SRGAP3: variants seen among roughly 807,000 people sequenced by gnomAD.
SRGAP3 encodes the protein SLIT-ROBO Rho GTPase-activating protein 3.
SRGAP3 carries 39 observed loss-of-function variants against 121.1 expected under a neutral mutation model. The ratio of observed to expected loss-of-function variants is 0.32; its 90% CI spans 0.25 to 0.42. The LOEUF (loss-of-function observed/expected upper bound fraction) is 0.42. Ranked by LOEUF, SRGAP3 falls within the 10% of genes least tolerant of loss-of-function variation. The probability of loss-of-function intolerance (pLI) is 1.00; values close to 1 mark genes in which losing one functional copy is unlikely to be tolerated. For synonymous variants in SRGAP3, 601 were observed against 570.0 expected, an observed-to-expected ratio of 1.05 and a Z score of -0.77; for missense variants, 1,213 against 1,470.6, an observed-to-expected ratio of 0.82 and a Z score of 2.86.
At chr3:9,273,041 GACA>G (rs1954509208) in intron 3 of SRGAP3, among the ~76,000 whole-genome samples, 1 of 152,178 alleles carries the variant, frequency 6.6e-6, no homozygotes, top group Admixed American at 6.5e-5. Flanking sequence ...TTTCACGGAA[GACA>G]ACTTTTCCAA....
intron 1 of SRGAP3, chr3:9,235,989 T>C (rs373416105): frequency 2.5e-5 from 4 of 158,304 alleles, no homozygotes; most frequent in East Asian, 3.2e-4. Flanking sequence ...ATCCATACCA[T>C]CTTCAAGGTC....
chr3:9,049,975 G>A (rs1945488377), intron 9 of SRGAP3, among the ~76,000 whole-genome samples: 1 of 151,896 alleles, frequency 6.6e-6, no homozygotes, highest in Non-Finnish European at 1.5e-5. Flanking sequence ...AAGTAGCTGG[G>A]ACTACAGCCA....
intron 3 of SRGAP3, among the ~76,000 whole-genome samples, chr3:9,257,679 T>C (rs908424958): frequency 4.9e-5 from 7 of 141,466 alleles, no homozygotes; most frequent in African/African-American, 1.0e-4. Context: ...ATTTACTCAC[T>C]CATTAAACAA....
intron 1 of SRGAP3, among the ~76,000 whole-genome samples, chr3:9,206,747 C>A (rs893627300): frequency 6.6e-6 from 1 of 152,168 alleles, no homozygotes; most frequent in Non-Finnish European, 1.5e-5. Flanking sequence ...GTCCCCTCTC[C>A]CTAAAACAGG....
At chr3:8,986,135 T>C (rs943888575) in intron 21 of SRGAP3, among the ~76,000 whole-genome samples, 4 of 152,076 alleles carry the variant, frequency 2.6e-5, no homozygotes, top group African/African-American at 9.7e-5. Flanking sequence ...AGGAAATAGA[T>C]TTCATAAGGG....
chr3:9,065,984 A>G (rs1382163508), intron 4 of SRGAP3, among the ~76,000 whole-genome samples: 2 of 152,154 alleles, frequency 1.3e-5, no homozygotes, highest in Non-Finnish European at 2.9e-5. Context: ...TCATAAATAG[A>G]GACGGGGTTT....
chr3:9,350,598 C>T (rs1021038693), intron 1 of SRGAP3, among the ~76,000 whole-genome samples: 5 of 152,192 alleles, frequency 3.3e-5, no homozygotes, highest in Non-Finnish European at 7.3e-5. Context: ...TATGCTTCCA[C>T]ATTATTTCAA....
At chr3:9,010,125 C>T (rs543296785) in intron 18 of SRGAP3, among the ~76,000 whole-genome samples, 183 bp downstream of exon 18, 10 of 152,330 alleles carry the variant, frequency 6.6e-5, no homozygotes, top group African/African-American at 2.4e-4. Context: ...CTGTGTCAGG[C>T]CCATGCCAGG....
At chr3:9,289,835 T>C (rs1954842658) in intron 3 of SRGAP3, among the ~76,000 whole-genome samples, 1 of 152,162 alleles carries the variant, frequency 6.6e-6, no homozygotes, top group Admixed American at 6.5e-5. Context: ...AGGCTGGGAA[T>C]GGTGGCTCAT....
intron 14 of SRGAP3, among the ~76,000 whole-genome samples, chr3:9,016,881 C>T (rs1163362841): frequency 6.6e-6 from 1 of 152,144 alleles, no homozygotes; most frequent in Non-Finnish European, 1.5e-5. Context: ...TTTATACGAA[C>T]TTGTTTTTGT....
chr3:8,994,372 G>C lies in SRGAP3; in HGVS notation c.2379C>G (p.Ile793Met), dbSNP rs956342718. Reference sequence around the variant, plus strand: ...CCTGTACAACTATGTACTGATGGGGGATGAGTCCATCCACGCCGTTGTGCC... The same window carrying C: ...CCTGTACAACTATGTACTGATGGGGCATGAGTCCATCCACGCCGTTGTGCC... ...EGRHNGVDGL[I>M]PHQYIVVQDM... The change falls in exon 19 of 22, where the codon ATC becomes ATG. Residue 793 changes from isoleucine (I) to methionine (M), a missense_variant. Physicochemically the swap from Ile to Met is conservative, Grantham distance 10. Coordinates refer to ENST00000383836, the MANE Select transcript of SRGAP3 (RefSeq NM_014850.4). 1.2e-6 allele frequency: 2 copies of C among 1,614,188 alleles called. No individual in the cohort carries two copies. The highest frequency in any genetic ancestry group is 1.7e-6 in the Non-Finnish European group (2 of 1,180,038).
At chr3:9,334,631 A>G (rs865951918) in intron 1 of SRGAP3, among the ~76,000 whole-genome samples, 7 of 152,134 alleles carry the variant, frequency 4.6e-5, no homozygotes, top group Non-Finnish European at 7.4e-5. Flanking sequence ...CAAAGACAAG[A>G]TGGAGGGTCC....
intron 4 of SRGAP3, among the ~76,000 whole-genome samples, chr3:9,074,002 T>G (rs1482007933): frequency 6.6e-6 from 1 of 152,238 alleles, no homozygotes; most frequent in African/African-American, 2.4e-5. Context: ...GTTTAATTAC[T>G]GTCTTATTTT....
intron 1 of SRGAP3, among the ~76,000 whole-genome samples, chr3:9,208,152 G>A (rs1186912598): frequency 2.0e-5 from 3 of 152,026 alleles, no homozygotes; most frequent in Non-Finnish European, 2.9e-5. Context: ...AGGAAGCAGT[G>A]AATGAGCAAG....
At chr3:9,156,160 G>A (rs150553151) in intron 1 of SRGAP3, among the ~76,000 whole-genome samples, 96 of 152,322 alleles carry the variant, frequency 6.3e-4, no homozygotes, top group African/African-American at 2.2e-3. Context: ...CAGTATACAG[G>A]CTTTGAAGTC....
At chr3:9,112,884 C>T (rs1432853794) in intron 2 of SRGAP3, among the ~76,000 whole-genome samples, 1 of 152,220 alleles carries the variant, frequency 6.6e-6, no homozygotes, top group Non-Finnish European at 1.5e-5. Flanking sequence ...AACCTGGGCA[C>T]ACAGGCACTC....
intron 6 of SRGAP3, chr3:9,058,710 C>T: frequency 2.2e-6 from 1 of 448,156 alleles, no homozygotes; most frequent in South Asian, 2.6e-5. Flanking sequence ...ATCTTTCTCT[C>T]TCTCTTTTTT....
intron 1 of SRGAP3, among the ~76,000 whole-genome samples, chr3:9,186,999 C>T (rs968212100): frequency 1.3e-5 from 2 of 152,130 alleles, no homozygotes; most frequent in Non-Finnish European, 2.9e-5. Context: ...TTCTGGGACA[C>T]ATGTGCAGAA....
intron 1 of SRGAP3, among the ~76,000 whole-genome samples, chr3:9,227,960 A>T (rs1953051041): frequency 6.6e-6 from 1 of 152,200 alleles, no homozygotes; most frequent in Non-Finnish European, 1.5e-5. Context: ...GATGATGGTA[A>T]GTCGGAGGCA....
Sources: allele counts gnomAD v4.1 joint callset (sites outside exome capture counted in the v4.1 genomes callset), GRCh38; gene constraint gnomAD v4.1.1; transcripts MANE v1.5; gene names NCBI Gene and HGNC (gene_info 2026-07-23, HGNC 2026-07-21).